The following NIPSNAP2 variants were observed in gnomAD, a reference collection of about 807,000 sequenced individuals.
NIPSNAP2 encodes the protein protein NipSnap homolog 2.
A neutral mutation model predicts 48.4 loss-of-function variants in NIPSNAP2; 42 were observed. That is an observed-to-expected ratio of 0.87 (90% CI 0.68 to 1.12). The LOEUF (loss-of-function observed/expected upper bound fraction) is 1.12. Ranked by LOEUF, NIPSNAP2 falls within the 50% of genes most tolerant of loss-of-function variation. NIPSNAP2 has a pLI of 0.00. For synonymous variants in NIPSNAP2, 158 were observed against 126.6 expected (o/e 1.25, Z -1.67); for missense variants, 314 against 347.3 (o/e 0.90, Z 0.76).
At chr7:55,966,694 A>G (rs1452095652) in intron 1 of NIPSNAP2, among the ~76,000 whole-genome samples, 1 of 152,186 alleles carries the variant, frequency 6.6e-6, no homozygotes, top group Non-Finnish European at 1.5e-5. Flanking sequence ...AGGTGGGAGT[A>G]TGGCTTGAAC....
At chr7:55,971,179 T>C (rs1444152425) in intron 1 of NIPSNAP2, among the ~76,000 whole-genome samples, 1 of 152,158 alleles carries the variant, frequency 6.6e-6, no homozygotes, top group African/African-American at 2.4e-5. Context: ...GGGCAGCCGT[T>C]GGCATAGCTG....
rs1368383656 is a variant in NIPSNAP2 at position 55,999,295 on chromosome 7, C to T, written c.*223C>T. 9 of 555,028 alleles carry T rather than the reference C, an allele frequency of 1.6e-5. No homozygotes were observed. Among genetic ancestry groups the T allele is most frequent in the African/African-American group, 7.6e-5 (4 of 52,526 alleles). 34.4% of individuals were successfully genotyped at this position (555,028 alleles called of 1,614,324 possible). A position where few individuals can be genotyped will look rare whatever the true frequency, so the allele number is the denominator to read the frequency against. On this transcript the variant is annotated 3_prime_UTR_variant, in exon 10 of 10. Coordinates refer to ENST00000322090, the MANE Select transcript of NIPSNAP2 (RefSeq NM_001483.3). Reference sequence around the variant, plus strand: ...CCTTGTCGTCCTCTTTGAAACACCCCGTGTTGTCCAGTATACCTTATAACA... The same window carrying T: ...CCTTGTCGTCCTCTTTGAAACACCCTGTGTTGTCCAGTATACCTTATAACA...
intron 8 of NIPSNAP2, among the ~76,000 whole-genome samples, chr7:55,995,508 G>C (rs6593294): frequency 0.71 from 108,638 of 152,088 alleles, 39,184 homozygotes; most frequent in Non-Finnish European, 0.76. Context: ...CCCTTCCCCA[G>C]TAGTGAACAT....
chr7:55,979,584 A>G, intron 3 of NIPSNAP2: 1 of 350,450 alleles, frequency 2.9e-6, no homozygotes, highest in South Asian at 2.2e-5. Context: ...TCTCTCTCCA[A>G]GCCTCTCGAG....
chr7:55,993,891 G>T (rs1256801802), intron 7 of NIPSNAP2, among the ~76,000 whole-genome samples: 1 of 151,112 alleles, frequency 6.6e-6, no homozygotes, highest in Non-Finnish European at 1.5e-5. Flanking sequence ...AATGCCTTTG[G>T]TACTCATTTT....
intron 4 of NIPSNAP2, 123 bp downstream of exon 4, chr7:55,981,690 G>A: frequency 5.0e-6 from 3 of 603,994 alleles, no homozygotes; most frequent in Non-Finnish European, 8.7e-6. Flanking sequence ...CTAATTTTAT[G>A]ATTAAAGTAG....
Position 55,983,222 on chromosome 7 carries a change from T to G in NIPSNAP2, c.445-506T>G, listed in dbSNP as rs557789371. On this transcript the variant is annotated intron_variant, in intron 5 of 9. Coordinates refer to ENST00000322090, the MANE Select transcript of NIPSNAP2 (RefSeq NM_001483.3). ...TCTGGATGACCTAAAACTGTCTAAT[T>G]CAGGAACTGTTTGTCACACACATAG... is the stretch of plus-strand genomic sequence containing the variant. 1.2e-3 allele frequency among the ~76,000 whole-genome samples: 178 copies of G among 152,314 alleles called. 1 individual carries two copies. Among genetic ancestry groups the G allele is most frequent in the African/African-American group, 4.1e-3 (172 of 41,562 alleles).
intron 1 of NIPSNAP2, 108 bp from the exon 2 acceptor site, chr7:55,978,018 C>T: frequency 2.4e-6 from 3 of 1,260,188 alleles, no homozygotes; most frequent in Non-Finnish European, 3.3e-6. Flanking sequence ...CTTTGGTAGC[C>T]CAGGTTCTGG....
chr7:55,964,641 C>A lies in NIPSNAP2; in HGVS notation c.32C>A (p.Ala11Glu). Residue 11 changes from alanine to glutamate, a missense_variant, in exon 1 of 10, where the codon GCG (alanine) becomes GAG (glutamate). Ala to Glu is a moderately radical substitution (Grantham distance 107). Around this residue, in one of 2 missense-constraint regions of NIPSNAP2, gnomAD observed 198 missense variants for 185.5 expected, o/e 1.07. Transcript: ENST00000322090. MAARVLRARG[A>E]AWAGGLLQRA... is the part of the protein sequence containing the mutation. ...GCGCGAGTGCTGCGCGCCCGCGGAG[C>A]GGCCTGGGCCGGCGGCCTCCTGCAG... 1 of 1,082,050 alleles carries A rather than the reference C, an allele frequency of 9.2e-7. No individual in the cohort carries two copies. The highest frequency in any genetic ancestry group is 1.1e-6 in the Non-Finnish European group (1 of 893,410). The allele number at this position is 1,082,050 out of a possible 1,614,324, so 67.0% of individuals were successfully genotyped here.
chr7:55,991,759 A>ATATATAT (rs1270864932), intron 7 of NIPSNAP2: 73 of 127,302 alleles, frequency 5.7e-4, no homozygotes, highest in African/African-American at 1.9e-3. Context: ...AAAAAAAAAA[A>ATATATAT]AAAAAAATAT....
rs2116387160 is a variant in NIPSNAP2, at chr7:55,999,678, A to C, written c.*606A>C. 1 of 152,464 alleles carries C rather than the reference A, an allele frequency of 6.6e-6. No individual in the cohort carries two copies. The highest frequency in any genetic ancestry group is 1.9e-4 in the East Asian group (1 of 5,192). 9.4% of individuals were successfully genotyped at this position (152,464 alleles called of 1,614,324 possible). On this transcript the variant is annotated 3_prime_UTR_variant, in exon 10 of 10. Transcript: ENST00000322090. ...TTAATCAGTAAATCAGTTTCACATC[A>C]TGTATTGTGATGTTTCAATGTGAGA...
intron 7 of NIPSNAP2, among the ~76,000 whole-genome samples, chr7:55,994,490 A>C (rs997084552): frequency 1.3e-5 from 2 of 152,086 alleles, no homozygotes; most frequent in Non-Finnish European, 1.5e-5. Flanking sequence ...AGGCGGGCGG[A>C]TTACTTGAGG....
intron 1 of NIPSNAP2, among the ~76,000 whole-genome samples, chr7:55,971,795 G>A (rs1261132664): frequency 4.6e-5 from 7 of 151,978 alleles, no homozygotes; most frequent in Non-Finnish European, 8.8e-5. Flanking sequence ...ATATATGTTT[G>A]CCTCTGTATT....
chr7:55,991,684 G>GT (rs1787445414), intron 7 of NIPSNAP2: 1 of 158,334 alleles, frequency 6.3e-6, no homozygotes, highest in Non-Finnish European at 1.3e-5. Flanking sequence ...TGAGGCAGAG[G>GT]TTGTGGCAAG....
At chr7:55,992,933 C>T (rs1322663676) in intron 7 of NIPSNAP2, among the ~76,000 whole-genome samples, 1 of 152,058 alleles carries the variant, frequency 6.6e-6, no homozygotes, top group African/African-American at 2.4e-5. Context: ...AAAATGGGCA[C>T]ATTTTAAAAC....
rs1317046485 is a variant in NIPSNAP2 at position 55,971,330 on chromosome 7, C to CA, written c.92+6632dup. Reference sequence around the variant, plus strand: ...GACGATTGCTGCCCAAGTTCACAAGCAAATGCCACTCAGGTTCTTTTGTGT... The same window carrying CA: ...GACGATTGCTGCCCAAGTTCACAAGCAAAATGCCACTCAGGTTCTTTTGTGT... On this transcript the variant is annotated intron_variant, in intron 1 of 9. Transcript: ENST00000322090. Among the ~76,000 whole-genome samples, 28 of 152,306 alleles carry CA rather than the reference C, an allele frequency of 1.8e-4. 1 individual carries two copies. In the Middle Eastern group the frequency reaches 0.01, roughly 56 times the overall value.
intron 3 of NIPSNAP2, 130 bp downstream of exon 3, chr7:55,978,525 T>C: frequency 4.7e-6 from 4 of 856,240 alleles, no homozygotes; most frequent in Non-Finnish European, 7.1e-6. Context: ...ATTCAGAGGC[T>C]CTTAAACTGA....
intron 9 of NIPSNAP2, among the ~76,000 whole-genome samples, 175 bp downstream of exon 9, chr7:55,997,624 T>C (rs1787588951): frequency 6.6e-6 from 1 of 152,202 alleles, no homozygotes; most frequent in Admixed American, 6.6e-5. Context: ...TGACTTTTTT[T>C]CAATAAAGTA....
chr7:55,972,576 G>A (rs1237134518), intron 1 of NIPSNAP2, among the ~76,000 whole-genome samples: 1 of 151,612 alleles, frequency 6.6e-6, no homozygotes, highest in Non-Finnish European at 1.5e-5. Context: ...GGGATTACAG[G>A]CATGCGCCAC....
Sources: gnomAD v4.1 joint callset for allele counts (sites outside exome capture counted in the v4.1 genomes callset) on GRCh38, gnomAD v4.1.1 for gene constraint, gnomAD v4.1.1 regional missense constraint, MANE v1.5 for transcripts, NCBI Gene and HGNC (gene_info 2026-07-23, HGNC 2026-07-21) for gene names.